Variants in TBC1D32 observed in about 807,000 individuals in gnomAD.
TBC1D32 encodes the protein TBC1 domain family member 32, also known as protein broad-minded.
In TBC1D32, 151 loss-of-function variants were observed where a neutral mutation model predicts 170.3. The ratio of observed to expected loss-of-function variants is 0.89; its 90% confidence interval spans 0.78 to 1.01. The LOEUF is 1.01. Ranked by LOEUF, TBC1D32 falls within the 50% of genes least tolerant of loss-of-function variation. The pLI, the probability that TBC1D32 is intolerant of heterozygous loss-of-function variation, is 0.00. For synonymous variants in TBC1D32, 498 were observed against 488.0 expected, an observed-to-expected ratio of 1.02 and a Z score of -0.27; for missense variants, 1,464 against 1,457.1, an observed-to-expected ratio of 1.00 and a Z score of -0.08.
At chr6:121,100,057 T>G (rs1234177021) in intron 30 of TBC1D32, among the ~76,000 whole-genome samples, 2 of 152,074 alleles carry the variant, frequency 1.3e-5, no homozygotes, top group East Asian at 3.9e-4. Flanking sequence ...ATCGTTTGGT[T>G]TCCATGTAGT....
intron 24 of TBC1D32, among the ~76,000 whole-genome samples, chr6:121,147,592 TA>T (rs200148182): frequency 0.012 from 1,806 of 149,832 alleles, 34 homozygotes; most frequent in African/African-American, 0.043. Context: ...AATATTTTTT[TA>T]TTTTTTTATT....
At chr6:121,109,987 C>T (rs1779048286) in intron 29 of TBC1D32, among the ~76,000 whole-genome samples, 1 of 151,984 alleles carries the variant, frequency 6.6e-6, no homozygotes. Flanking sequence ...TTATGTGGCT[C>T]ATGCCTGTAA....
At chr6:121,161,744 C>G (rs1785691927) in intron 22 of TBC1D32, among the ~76,000 whole-genome samples, 1 of 152,180 alleles carries the variant, frequency 6.6e-6, no homozygotes, top group South Asian at 2.1e-4. Context: ...GTCTTCAGGT[C>G]TTTGAGGAAT....
intron 21 of TBC1D32, among the ~76,000 whole-genome samples, chr6:121,207,965 G>A (rs1792495325): frequency 6.6e-6 from 1 of 152,058 alleles, no homozygotes; most frequent in Admixed American, 6.5e-5. Flanking sequence ...TTCTAGAAGT[G>A]GCTTATGATT....
intron 12 of TBC1D32, among the ~76,000 whole-genome samples, chr6:121,284,599 C>T (rs543247836): frequency 6.6e-6 from 1 of 152,216 alleles, no homozygotes; most frequent in Admixed American, 6.5e-5. Flanking sequence ...TTTATCAACT[C>T]TTGCTATAGA....
At chr6:121,183,208 A>G (rs1788760897) in intron 22 of TBC1D32, among the ~76,000 whole-genome samples, 1 of 152,066 alleles carries the variant, frequency 6.6e-6, no homozygotes, top group Non-Finnish European at 1.5e-5. Flanking sequence ...GTTTCTGTAC[A>G]CCGAAGGAAA....
At chr6:121,148,738 C>T (rs1288345401) in intron 24 of TBC1D32, among the ~76,000 whole-genome samples, 6 of 152,082 alleles carry the variant, frequency 3.9e-5, no homozygotes, top group African/African-American at 7.2e-5. Flanking sequence ...CTCAGCCTCC[C>T]GGGTAGCTGG....
intron 15 of TBC1D32, among the ~76,000 whole-genome samples, chr6:121,274,740 C>T (rs1801996430): frequency 6.6e-6 from 1 of 151,996 alleles, no homozygotes; most frequent in South Asian, 2.1e-4. Context: ...TAAGGCTACT[C>T]CATAATGATG....
At chr6:121,127,270 G>A (rs1208650518) in intron 25 of TBC1D32, among the ~76,000 whole-genome samples, 1 of 152,048 alleles carries the variant, frequency 6.6e-6, no homozygotes, top group African/African-American at 2.4e-5. Context: ...TATAATTCTT[G>A]GAGAACAATT....
At chr6:121,190,108 ACACACACACACAC>A (rs1789771970) in intron 22 of TBC1D32, among the ~76,000 whole-genome samples, 1 of 145,774 alleles carries the variant, frequency 6.9e-6, no homozygotes, top group Non-Finnish European at 1.5e-5. Context: ...ACACACACAC[ACACACACACACAC>A]ACACACACAC....
At chr6:121,308,213 G>C (rs1432477628) in intron 4 of TBC1D32, 112 bp from the exon 5 acceptor site, 1 of 1,074,806 alleles carries the variant, frequency 9.3e-7, no homozygotes, top group Non-Finnish European at 1.3e-6. Context: ...AATTTATAAA[G>C]AATGATTTAT....
intron 24 of TBC1D32, among the ~76,000 whole-genome samples, chr6:121,156,487 T>C (rs1301161539): frequency 6.6e-6 from 1 of 152,010 alleles, no homozygotes; most frequent in Non-Finnish European, 1.5e-5. Flanking sequence ...TCACTTATCT[T>C]TTTTATGGAT....
At chr6:121,263,408 G>A (rs1358139218) in intron 15 of TBC1D32, among the ~76,000 whole-genome samples, 9 of 152,102 alleles carry the variant, frequency 5.9e-5, no homozygotes, top group Admixed American at 5.9e-4. Context: ...AAATATACAT[G>A]CACCCAATAT....
chr6:121,303,640 C>A lies in TBC1D32; in HGVS notation c.1057G>T (p.Ala353Ser). The A allele has an allele frequency of 6.3e-7, 1 of 1,583,518 alleles. No homozygotes were observed. The highest frequency in any genetic ancestry group is 8.6e-7 in the Non-Finnish European group (1 of 1,159,964). The change falls in exon 9 of 32, where the codon GCT (alanine) becomes TCT (serine). Residue 353 changes from alanine (A) to serine (S), a missense_variant. By Grantham distance (99) the Ala-to-Ser change is moderately conservative. Around this residue, in one of 3 missense-constraint regions of TBC1D32, gnomAD observed 1,363 missense variants for 1,338.1 expected, o/e 1.02. Coordinates refer to ENST00000398212, the MANE Select transcript of TBC1D32 (RefSeq NM_152730.6). ...IYFFALVDTK[A>S]VWFKKWMHAH... is the part of the protein sequence containing the mutation. ...ACCATCCACTTTTTGAACCACACAG[C>A]CTTGGTATCAACTAATGCAAAAAAG... is the stretch of plus-strand genomic sequence containing the variant.
At chr6:121,128,082 T>C (rs890621399) in intron 25 of TBC1D32, among the ~76,000 whole-genome samples, 4 of 152,160 alleles carry the variant, frequency 2.6e-5, no homozygotes, top group Non-Finnish European at 5.9e-5. Context: ...CAAGTACTGA[T>C]ATTCAAATAT....
intron 22 of TBC1D32, among the ~76,000 whole-genome samples, chr6:121,174,289 T>TG (rs1787454934): frequency 1.3e-5 from 2 of 152,154 alleles, no homozygotes; most frequent in Non-Finnish European, 2.9e-5. Context: ...ATTGATTTCT[T>TG]GAAGAGAAAA....
intron 20 of TBC1D32, among the ~76,000 whole-genome samples, chr6:121,236,470 T>C (rs1583333140): frequency 6.6e-6 from 1 of 152,134 alleles, no homozygotes; most frequent in Non-Finnish European, 1.5e-5. Context: ...ATATCGAAAC[T>C]ACATAACTGT....
chr6:121,136,858 T>C (rs1313865384), intron 24 of TBC1D32, among the ~76,000 whole-genome samples: 2 of 152,162 alleles, frequency 1.3e-5, no homozygotes, highest in African/African-American at 4.8e-5. Context: ...AGTATGTGTA[T>C]AATTGAAGGT....
chr6:121,104,927 T>C (rs536818211), intron 30 of TBC1D32, among the ~76,000 whole-genome samples: 1 of 151,950 alleles, frequency 6.6e-6, no homozygotes, highest in East Asian at 1.9e-4. Context: ...TCTCAAAGTA[T>C]ATGTAGTATA....
Sources: gnomAD v4.1 joint callset for allele counts (sites outside exome capture counted in the v4.1 genomes callset) on GRCh38, gnomAD v4.1.1 for gene constraint, gnomAD v4.1.1 regional missense constraint, MANE v1.5 for transcripts, NCBI Gene and HGNC (gene_info 2026-07-23, HGNC 2026-07-21) for gene names.